The following PADI1 variants were observed in gnomAD, a reference collection of about 807,000 sequenced individuals.
The protein encoded by PADI1 is protein-arginine deiminase type-1.
A neutral mutation model predicts 74.8 loss-of-function variants in PADI1; 65 were observed. The observed-to-expected ratio is 0.87, with a 90% CI of 0.71 to 1.07. PADI1 has a LOEUF of 1.07. Ranked by LOEUF, PADI1 falls within the 50% of genes least tolerant of loss-of-function variation. PADI1 has a pLI of 0.00. For missense variants in PADI1, 943 were observed against 854.0 expected, an observed-to-expected ratio of 1.10 and a Z score of -1.30; for synonymous variants, 371 against 336.2, an observed-to-expected ratio of 1.10 and a Z score of -1.13.
chr1:17,239,633 T>G, intron 13 of PADI1, 71 bp from the exon 14 acceptor site: 2 of 1,149,054 alleles, frequency 1.7e-6, no homozygotes, highest in Non-Finnish European at 2.6e-6. Context: ...GCCTGGATTA[T>G]GTAGCCCCAG....
Position 17,244,607 on chromosome 1 carries a change from T to A in PADI1, c.*364T>A, listed in dbSNP as rs114482064. On this transcript the variant is annotated 3_prime_UTR_variant, in exon 16 of 16. Coordinates refer to ENST00000375471, the MANE Select transcript of PADI1 (RefSeq NM_013358.3). ...ATGCCTCCCTGGGGAACAAGGATAATGACTTTGCATCTGCACCTGGAACGG... is the reference window on the plus strand; with the variant it reads ...ATGCCTCCCTGGGGAACAAGGATAAAGACTTTGCATCTGCACCTGGAACGG... The A allele has an allele frequency of 1.5e-3, 595 of 384,024 alleles. No homozygotes were observed. The highest frequency in any genetic ancestry group is 0.012 in the African/African-American group (560 of 48,126). 23.8% of individuals were successfully genotyped at this position (384,024 alleles called of 1,614,324 possible). A position where few individuals can be genotyped will look rare whatever the true frequency, so the allele number is the denominator to read the frequency against.
chr1:17,243,613 AC>A (rs1187909749), intron 15 of PADI1, among the ~76,000 whole-genome samples: 1 of 152,244 alleles, frequency 6.6e-6, no homozygotes, highest in African/African-American at 2.4e-5. Flanking sequence ...AGACATCCAC[AC>A]CACAGACCTT....
intron 14 of PADI1, chr1:17,240,018 T>G (rs999297779): frequency 3.1e-5 from 16 of 517,816 alleles, no homozygotes; most frequent in African/African-American, 2.7e-4. Flanking sequence ...GGCCCCACGC[T>G]GGGGCAATGA....
intron 1 of PADI1, among the ~76,000 whole-genome samples, chr1:17,207,781 A>C (rs1322816677): frequency 6.6e-6 from 1 of 152,256 alleles, no homozygotes; most frequent in East Asian, 1.9e-4. Context: ...GAGTGAGCAC[A>C]CAGGGCACCT....
At chr1:17,238,045 G>GT (rs1309758533) in intron 12 of PADI1, among the ~76,000 whole-genome samples, 2 of 152,088 alleles carry the variant, frequency 1.3e-5, no homozygotes, top group African/African-American at 4.8e-5. Context: ...TATTTTGTTT[G>GT]TTTTTTGTTT....
chr1:17,235,293 G>GGAGGGAGGGAAGGAAGGAAGGAAGGAA (rs1557479110), intron 11 of PADI1, among the ~76,000 whole-genome samples: 2 of 62,828 alleles, frequency 3.2e-5, no homozygotes, highest in Admixed American at 3.5e-4. Flanking sequence ...GAAGGAAGGA[G>GGAGGGAGGGAAGGAAGGAAGGAAGGAA]GGAAGGAAGG....
rs547713284 is a variant in PADI1 at position 17,218,399 on chromosome 1, C to T, written c.93-3891C>T. Reference sequence around the variant, plus strand: ...TTGTTAAACATTTGCCAGCACACCACTGCCTGGAGTTAGGGGGTAAGGGGG... The same window carrying T: ...TTGTTAAACATTTGCCAGCACACCATTGCCTGGAGTTAGGGGGTAAGGGGG... On this transcript the variant is annotated intron_variant, in intron 1 of 15. Transcript: ENST00000375471. Among the ~76,000 whole-genome samples, 7 of 152,304 alleles carry T rather than the reference C, an allele frequency of 4.6e-5. No homozygotes were observed. The East Asian group carries it at 1.3e-3, about 29-fold the overall frequency.
chr1:17,239,134 G>A (rs983291132), intron 13 of PADI1, among the ~76,000 whole-genome samples: 3 of 152,208 alleles, frequency 2.0e-5, no homozygotes, highest in African/African-American at 7.2e-5. Context: ...GCTTCCTGCA[G>A]GAGCTAACAG....
In PADI1 at chr1:17,224,369, A is replaced by G. The variant is rs2072249800; in HGVS notation, c.349A>G (p.Ile117Val). Reference protein sequence around the residue: ...RSVLYLTGVDISLEVDTGRTG... With the variant: ...RSVLYLTGVDVSLEVDTGRTG... ...AGCCCCTCTCCATCTCTTTGCAGAT[A>G]TTTCCCTTGAGGTTGACACAGGCCG... The change falls in exon 4 of 16, where the codon ATT becomes GTT. Residue 117 changes from isoleucine (I) to valine (V), a missense_variant and splice_region_variant. Ile to Val is a conservative substitution (Grantham distance 29). Coordinates refer to ENST00000375471, the MANE Select transcript of PADI1 (RefSeq NM_013358.3). 6.2e-7 allele frequency: 1 copy of G among 1,613,764 alleles called. No homozygotes were observed. Among genetic ancestry groups the G allele is most frequent in the Non-Finnish European group, 8.5e-7 (1 of 1,179,794 alleles).
At chr1:17,208,639 C>G (rs1222730207) in intron 1 of PADI1, among the ~76,000 whole-genome samples, 1 of 149,626 alleles carries the variant, frequency 6.7e-6, no homozygotes, top group Non-Finnish European at 1.5e-5. Context: ...ATGACCCACA[C>G]TCCAGTGGGC....
rs760587525 is a variant in PADI1, at chr1:17,232,939, G to A, written c.1282G>A (p.Gly428Ser). Residue 428 changes from glycine to serine, a missense_variant, in exon 11 of 16, where the codon GGC becomes AGC. Gly to Ser is a moderately conservative substitution (Grantham distance 56). Coordinates refer to ENST00000375471, the MANE Select transcript of PADI1 (RefSeq NM_013358.3). ...VTVGGTEYPLGRILIGSSFPK... is the reference protein window; with the variant it reads ...VTVGGTEYPLSRILIGSSFPK... ...GGTGGGCGGCACGGAATACCCCCTG[G>A]GCCGGATCCTCATCGGGAGCAGCTT... is the stretch of plus-strand genomic sequence containing the variant. The A allele has an allele frequency of 1.9e-6, 3 of 1,610,820 alleles. No individual in the cohort carries two copies. The Admixed American group carries it at 5.0e-5, about 27-fold the overall frequency.
intron 11 of PADI1, among the ~76,000 whole-genome samples, chr1:17,235,293 G>GGAAGGAAGGAAGGAGGGAAGGAA (rs1557479110): frequency 2.1e-4 from 13 of 62,854 alleles, no homozygotes; most frequent in African/African-American, 7.1e-4. Flanking sequence ...GAAGGAAGGA[G>GGAAGGAAGGAAGGAGGGAAGGAA]GGAAGGAAGG....
At chr1:17,208,197 C>T (rs569138359) in intron 1 of PADI1, among the ~76,000 whole-genome samples, 1 of 152,332 alleles carries the variant, frequency 6.6e-6, no homozygotes, top group South Asian at 2.1e-4. Flanking sequence ...GGAGTCTGAG[C>T]CCTCCAGGAG....
chr1:17,235,256 A>AGGTAG (rs2072606922), intron 11 of PADI1, among the ~76,000 whole-genome samples: 1 of 135,578 alleles, frequency 7.4e-6, no homozygotes. Context: ...AGTGGGAGGG[A>AGGTAG]GGAAGGGAAG....
At chr1:17,240,573 AG>A (rs2072753602) in intron 14 of PADI1, 61 bp from the exon 15 acceptor site, 14 of 1,580,436 alleles carry the variant, frequency 8.9e-6, no homozygotes, top group East Asian at 2.3e-5. Flanking sequence ...AGCGCACAGT[AG>A]GTGCTTGGCC....
At chr1:17,211,701 TG>T (rs1358829365) in intron 1 of PADI1, among the ~76,000 whole-genome samples, 1 of 152,214 alleles carries the variant, frequency 6.6e-6, no homozygotes, top group East Asian at 1.9e-4. Context: ...TCTATGTTGC[TG>T]GGTAAGTGAG....
intron 10 of PADI1, among the ~76,000 whole-genome samples, chr1:17,230,885 GGCA>G (rs2100490154): frequency 6.6e-6 from 1 of 152,310 alleles, no homozygotes; most frequent in South Asian, 2.1e-4. Context: ...CATGCAAATA[GGCA>G]GCAGCCTGAT....
At chr1:17,239,578 T>C in intron 13 of PADI1, 126 bp from the exon 14 acceptor site, 1 of 700,516 alleles carries the variant, frequency 1.4e-6, no homozygotes. Flanking sequence ...TGGCTTTCTC[T>C]GTCCTGGCTT....
intron 6 of PADI1, among the ~76,000 whole-genome samples, chr1:17,227,127 G>A (rs1274195911): frequency 1.3e-5 from 2 of 151,370 alleles, no homozygotes; most frequent in Non-Finnish European, 2.9e-5. Flanking sequence ...AACCCAGGAG[G>A]CAGAGGTTGC....
Sources: allele counts gnomAD v4.1 joint callset (sites outside exome capture counted in the v4.1 genomes callset), GRCh38; gene constraint gnomAD v4.1.1; transcripts MANE v1.5; gene names NCBI Gene and HGNC (gene_info 2026-07-23, HGNC 2026-07-21).